USP13: variants seen among roughly 807,000 people sequenced by gnomAD.
USP13 encodes ubiquitin carboxyl-terminal hydrolase 13.
USP13 carries 68 observed loss-of-function variants against 107.8 expected under a neutral mutation model. That is an observed-to-expected ratio of 0.63 (90% confidence interval 0.52 to 0.77). The LOEUF is 0.77. Among genes scored for constraint, USP13 ranks in the 30% least tolerant of loss-of-function variants. The pLI, the probability that USP13 is intolerant of heterozygous loss-of-function variation, is 0.00. For missense variants in USP13, 945 were observed against 1,093.3 expected (o/e 0.86, Z 1.91); for synonymous variants, 377 against 389.5 (o/e 0.97, Z 0.38).
At chr3:179,763,969 A>G (rs1279864480) in intron 17 of USP13, 33 bp from the exon 18 acceptor site, 31 of 1,533,472 alleles carry the variant, frequency 2.0e-5, no homozygotes, top group African/African-American at 2.8e-5. Context: ...AAAAAAAAAA[A>G]GGAAAAGACT....
intron 1 of USP13, among the ~76,000 whole-genome samples, chr3:179,664,615 G>T (rs1032447554): frequency 6.6e-6 from 1 of 152,162 alleles, no homozygotes; most frequent in African/African-American, 2.4e-5. Flanking sequence ...CAGTATTGTG[G>T]TGATCAGTTA....
intron 16 of USP13, among the ~76,000 whole-genome samples, chr3:179,759,107 G>A (rs1183251784): frequency 5.9e-5 from 9 of 151,570 alleles, no homozygotes; most frequent in African/African-American, 9.7e-5. Flanking sequence ...TCAGCCTCCC[G>A]AGTAGCTGGG....
chr3:179,677,498 T>C (rs1210181910), intron 1 of USP13, among the ~76,000 whole-genome samples: 4 of 152,054 alleles, frequency 2.6e-5, no homozygotes, highest in Non-Finnish European at 5.9e-5. Flanking sequence ...GAGAATCACT[T>C]GAACCCAGGA....
intron 4 of USP13, among the ~76,000 whole-genome samples, chr3:179,706,088 C>A (rs1459238191): frequency 6.7e-6 from 1 of 148,680 alleles, no homozygotes; most frequent in East Asian, 2.0e-4. Flanking sequence ...TGTGTGGACA[C>A]ATATTTTCAT....
At chr3:179,711,275 G>A (rs1280250828) in intron 6 of USP13, among the ~76,000 whole-genome samples, 1 of 152,084 alleles carries the variant, frequency 6.6e-6, no homozygotes, top group Non-Finnish European at 1.5e-5. Context: ...CTGGAGTGCG[G>A]TGGCGTGATC....
intron 4 of USP13, among the ~76,000 whole-genome samples, chr3:179,704,499 G>A (rs1378203391): frequency 6.6e-5 from 10 of 152,132 alleles, no homozygotes; most frequent in East Asian, 1.9e-4. Context: ...GTGATCTTCT[G>A]TGAAAATTAG....
rs749878900 is a variant in USP13 at position 179,707,055 on chromosome 3, A to G, written c.599A>G (p.Asn200Ser). The G allele has an allele frequency of 2.2e-5, 36 of 1,613,962 alleles. No homozygotes were observed. The highest frequency in any genetic ancestry group is 2.0e-4 in the South Asian group (18 of 91,060). ...KYANNLTQLD[N>S]GVRIPPSGWK... ...GCCAACAACCTCACCCAGCTGGACA[A>G]TGGAGTCAGGATTCCTCCAAGGTGA... The change falls in exon 5 of 21, where the codon AAT becomes AGT. Residue 200 changes from asparagine to serine, a missense_variant. Transcript: ENST00000263966.
At chr3:179,693,601 G>A (rs1041969175) in intron 3 of USP13, among the ~76,000 whole-genome samples, 6 of 152,170 alleles carry the variant, frequency 3.9e-5, no homozygotes, top group African/African-American at 1.4e-4. Flanking sequence ...ATTAATTTCA[G>A]TGATGGGCTG....
At chr3:179,725,354 C>G (rs552103628) in intron 8 of USP13, among the ~76,000 whole-genome samples, 3 of 152,218 alleles carry the variant, frequency 2.0e-5, no homozygotes, top group African/African-American at 4.8e-5. Flanking sequence ...CATAAGAGAG[C>G]TCCTGAGTTC....
At chr3:179,661,218 T>C (rs1274588279) in intron 1 of USP13, among the ~76,000 whole-genome samples, 1 of 152,182 alleles carries the variant, frequency 6.6e-6, no homozygotes, top group Non-Finnish European at 1.5e-5. Flanking sequence ...AGGCCTTACT[T>C]TGGAAACCAA....
At chr3:179,693,823 A>G (rs1576930133) in intron 3 of USP13, among the ~76,000 whole-genome samples, 1 of 149,582 alleles carries the variant, frequency 6.7e-6, no homozygotes, top group East Asian at 2.0e-4. Flanking sequence ...ACAGGTGCCC[A>G]CCACCATGCC....
At chr3:179,755,620 G>C (rs908039801) in intron 15 of USP13, among the ~76,000 whole-genome samples, 1 of 152,172 alleles carries the variant, frequency 6.6e-6, no homozygotes. Flanking sequence ...AATGGAAAAG[G>C]ATATGCCAAA....
intron 10 of USP13, among the ~76,000 whole-genome samples, chr3:179,733,412 T>G (rs908122744): frequency 6.6e-6 from 1 of 152,160 alleles, no homozygotes; most frequent in Admixed American, 6.5e-5. Flanking sequence ...GTTCCTTGAA[T>G]AGACAAATAA....
intron 19 of USP13, among the ~76,000 whole-genome samples, chr3:179,773,233 C>A (rs2108547072): frequency 6.6e-6 from 1 of 152,258 alleles, no homozygotes; most frequent in African/African-American, 2.4e-5. Flanking sequence ...AGTAAGTTGG[C>A]AATTTTATTT....
At chr3:179,750,896 T>C (rs1002429509) in intron 13 of USP13, among the ~76,000 whole-genome samples, 1 of 152,244 alleles carries the variant, frequency 6.6e-6, no homozygotes, top group Admixed American at 6.5e-5. Flanking sequence ...GTTTGACTGT[T>C]TTTTGCCCCG....
intron 8 of USP13, among the ~76,000 whole-genome samples, chr3:179,724,491 T>G (rs1966757): frequency 0.39 from 57,971 of 146,808 alleles, 13,752 homozygotes; most frequent in Non-Finnish European, 0.52. Flanking sequence ...GAAATAATAA[T>G]AAGAAAATTA....
chr3:179,762,157 A>G (rs1715033591), intron 17 of USP13, among the ~76,000 whole-genome samples: 1 of 152,240 alleles, frequency 6.6e-6, no homozygotes, highest in Non-Finnish European at 1.5e-5. Flanking sequence ...CCTGTTTTGG[A>G]CATTTCATAT....
intron 19 of USP13, among the ~76,000 whole-genome samples, chr3:179,769,558 C>G (rs1416444931): frequency 2.0e-5 from 3 of 152,116 alleles, no homozygotes; most frequent in African/African-American, 7.2e-5. Flanking sequence ...CAGGCATGCA[C>G]CATCATACCT....
At position 179,653,423 on chromosome 3, in the gene USP13, G is replaced by T. The variant is rs1720146958; in HGVS notation, c.168+30G>T. 1.3e-6 allele frequency: 2 copies of T among 1,541,086 alleles called. No individual in the cohort carries two copies. Among genetic ancestry groups the T allele is most frequent in the Non-Finnish European group, 1.8e-6 (2 of 1,140,616 alleles). On this transcript the variant is annotated intron_variant, in intron 1 of 20. Transcript: ENST00000263966. The surrounding 1 kb of genome is among the most constrained non-coding windows in gnomAD (Gnocchi z 4.0). Reference sequence around the variant, plus strand: ...GTGAGGCGCCTCGGGGGAGGGTCGCGGGGCCGGCGGCCTGCGGCACGTGAA... The same window carrying T: ...GTGAGGCGCCTCGGGGGAGGGTCGCTGGGCCGGCGGCCTGCGGCACGTGAA...
Sources: gnomAD v4.1 joint callset for allele counts (sites outside exome capture counted in the v4.1 genomes callset) on GRCh38, gnomAD v4.1.1 for gene constraint, Gnocchi (gnomAD v3.1) non-coding constraint, MANE v1.5 for transcripts, NCBI Gene and HGNC (gene_info 2026-07-23, HGNC 2026-07-21) for gene names.